The following ITGA8 variants were observed in gnomAD, a reference collection of about 807,000 sequenced individuals.
ITGA8 encodes the protein integrin alpha-8.
ITGA8 carries 91 observed loss-of-function variants against 142.3 expected under a neutral mutation model. That is an observed-to-expected ratio of 0.64 (90% CI 0.54 to 0.76). ITGA8 has a LOEUF of 0.76. Ranked by LOEUF, ITGA8 falls within the 30% of genes least tolerant of loss-of-function variation. The pLI is 0.00. For missense variants in ITGA8, 1,406 were observed against 1,327.7 expected (o/e 1.06, Z -0.92); for synonymous variants, 505 against 485.2 (o/e 1.04, Z -0.54).
chr10:15,648,544 TAAC>T (rs1352503177), intron 11 of ITGA8, among the ~76,000 whole-genome samples: 2 of 151,016 alleles, frequency 1.3e-5, no homozygotes, highest in Non-Finnish European at 3.0e-5. Context: ...GATATATCAA[TAAC>T]AATAACATAA....
chr10:15,699,683 A>G (rs1835125319), intron 2 of ITGA8, among the ~76,000 whole-genome samples: 1 of 152,188 alleles, frequency 6.6e-6, no homozygotes, highest in South Asian at 2.1e-4. Context: ...TCTCTCCAGC[A>G]CCCAAACTAG....
In ITGA8 at chr10:15,585,999, G is replaced by T. The variant is rs529182134; in HGVS notation, c.2372+585C>A. ...GTCTATTTTATCTGGCTTCTTATCA[G>T]CTGGTTTTTATAGTTTGATTACTGC... On this transcript the variant is annotated intron_variant, in intron 23 of 29. Transcript: ENST00000378076. 4.7e-5 allele frequency among the ~76,000 whole-genome samples: 7 copies of T among 150,468 alleles called. No individual in the cohort carries two copies. The East Asian group carries it at 1.4e-3, about 29-fold the overall frequency.
intron 9 of ITGA8, 66 bp from the exon 10 acceptor site, chr10:15,659,121 A>G (rs12761041): frequency 7.3e-6 from 8 of 1,096,130 alleles, no homozygotes; most frequent in Admixed American, 5.2e-5. Context: ...TTTAAAAACT[A>G]CAACTTGAAT....
At position 15,608,412 on chromosome 10, in the gene ITGA8, CA is replaced by C. The variant is rs1335265403; in HGVS notation, c.1554-123del. The C allele has an allele frequency of 4.3e-4, 253 of 591,296 alleles. 1 individual carries two copies. The African/African-American group carries it at 4.5e-3, about 11-fold the overall frequency. 36.6% of individuals were successfully genotyped at this position (591,296 alleles called of 1,614,324 possible). A position where few individuals can be genotyped will look rare whatever the true frequency, so the allele number is the denominator to read the frequency against. ...CTATATATTTCTAATTACACACACA[CA>C]CACACACACACCCACACACACACCC... On this transcript the variant is annotated intron_variant, in intron 15 of 29. Transcript: ENST00000378076.
chr10:15,661,773 G>C (rs1195012483), intron 8 of ITGA8, among the ~76,000 whole-genome samples: 1 of 152,188 alleles, frequency 6.6e-6, no homozygotes, highest in African/African-American at 2.4e-5. Context: ...TTCATCTACA[G>C]CAGTAGGAGG....
intron 27 of ITGA8, among the ~76,000 whole-genome samples, chr10:15,541,390 A>G (rs1376232471): frequency 3.1e-4 from 47 of 152,238 alleles, no homozygotes; most frequent in African/African-American, 4.8e-5. Flanking sequence ...TGGTATTTCC[A>G]GAGACCCCAG....
intron 27 of ITGA8, among the ~76,000 whole-genome samples, chr10:15,543,453 C>T (rs2131553428): frequency 6.6e-6 from 1 of 152,334 alleles, no homozygotes; most frequent in Admixed American, 6.5e-5. Flanking sequence ...GCATCTCCAG[C>T]CCCACTCAAG....
At chr10:15,689,251 G>A (rs1834888262) in intron 2 of ITGA8, among the ~76,000 whole-genome samples, 1 of 152,188 alleles carries the variant, frequency 6.6e-6, no homozygotes, top group African/African-American at 2.4e-5. Context: ...CCTAACACTT[G>A]CTCCCTTACA....
intron 26 of ITGA8, among the ~76,000 whole-genome samples, chr10:15,556,018 C>CTGTTTTTTTTTT (rs1564349894): frequency 1.9e-5 from 1 of 53,634 alleles, no homozygotes; most frequent in African/African-American, 8.6e-5. Flanking sequence ...CTCTCTCTCT[C>CTGTTTTTTTTTT]TTTTTTTTTT....
At chr10:15,523,918 C>T (rs778423953) in intron 28 of ITGA8, among the ~76,000 whole-genome samples, 9 of 152,156 alleles carry the variant, frequency 5.9e-5, no homozygotes, top group East Asian at 1.9e-4. Flanking sequence ...AGCAACAGAG[C>T]GAGCCTCTGT....
Position 15,678,798 on chromosome 10 carries a change from A to C in ITGA8, c.569-15T>G, listed in dbSNP as rs1564405414. 6.5e-7 allele frequency: 1 copy of C among 1,548,432 alleles called. No homozygotes were observed. Among genetic ancestry groups the C allele is most frequent in the South Asian group, 1.1e-5 (1 of 88,384 alleles). ...ATCAGCATTGCCTAGAACGATCAAAATACATAAATGTTATAACGTTATCAT... is the reference window on the plus strand; with the variant it reads ...ATCAGCATTGCCTAGAACGATCAAACTACATAAATGTTATAACGTTATCAT... On this transcript the variant is annotated splice_polypyrimidine_tract_variant and intron_variant, in intron 4 of 29. Coordinates refer to ENST00000378076, the MANE Select transcript of ITGA8 (RefSeq NM_003638.3).
intron 27 of ITGA8, among the ~76,000 whole-genome samples, chr10:15,537,685 C>G (rs995725115): frequency 6.6e-6 from 1 of 152,156 alleles, no homozygotes; most frequent in African/African-American, 2.4e-5. Context: ...TGATAGGAGT[C>G]CTGCCTCATT....
rs9333157 is a variant in ITGA8, at chr10:15,608,187, C to G, written c.1609+48G>C. On this transcript the variant is annotated intron_variant, in intron 16 of 29. Transcript: ENST00000378076. ...TCTGTGCAGAGAAATGGTTACTGTT[C>G]AACTTTCTTAGTATACCATAAGAAT... is the stretch of plus-strand genomic sequence containing the variant. 3.7e-3 allele frequency: 4,861 copies of G among 1,323,370 alleles called. 135 individuals carry two copies. The African/African-American group carries it at 0.062, about 17-fold the overall frequency. 82.0% of individuals were successfully genotyped at this position (1,323,370 alleles called of 1,614,324 possible). A position where few individuals can be genotyped will look rare whatever the true frequency, so the allele number is the denominator to read the frequency against.
intron 25 of ITGA8, among the ~76,000 whole-genome samples, chr10:15,565,573 ATTTTTTTTTTTTTTT>A (rs71374633): frequency 8.6e-4 from 30 of 34,792 alleles, no homozygotes; most frequent in South Asian, 6.9e-3. Context: ...TCATGTCCTG[ATTTTTTTTTTTTTTT>A]TTTTTTTTTT....
chr10:15,599,997 C>A (rs1833076214), intron 20 of ITGA8, among the ~76,000 whole-genome samples: 1 of 152,202 alleles, frequency 6.6e-6, no homozygotes, highest in African/African-American at 2.4e-5. Flanking sequence ...CTTGCTTCGG[C>A]TACATAATAG....
intron 4 of ITGA8, among the ~76,000 whole-genome samples, chr10:15,682,586 G>A (rs183267514): frequency 2.0e-5 from 3 of 152,198 alleles, no homozygotes; most frequent in Admixed American, 1.3e-4. Context: ...CAGGTGTGGC[G>A]GCGCACGACT....
intron 13 of ITGA8, 76 bp from the exon 14 acceptor site, chr10:15,616,635 C>T: frequency 1.7e-6 from 2 of 1,180,756 alleles, no homozygotes; most frequent in Non-Finnish European, 1.3e-6. Context: ...TCGTAAGTAG[C>T]ACATAGAATA....
intron 13 of ITGA8, among the ~76,000 whole-genome samples, chr10:15,636,882 C>T (rs1370313438): frequency 6.6e-6 from 1 of 152,184 alleles, no homozygotes; most frequent in Non-Finnish European, 1.5e-5. Flanking sequence ...CGGTGGCTCA[C>T]ACCTGTAATA....
Position 15,665,862 on chromosome 10 carries a change from T to C in ITGA8, c.848-4940A>G, listed in dbSNP as rs576779204. Among the ~76,000 whole-genome samples, 524 of 152,324 alleles carry C rather than the reference T, an allele frequency of 3.4e-3. 6 individuals are homozygous for C. The highest frequency in any genetic ancestry group is 0.012 in the African/African-American group (503 of 41,574). On this transcript the variant is annotated intron_variant, in intron 8 of 29. Coordinates refer to ENST00000378076, the MANE Select transcript of ITGA8 (RefSeq NM_003638.3). ...CATTATTTCTGAGGGCTCTGTTCTG[T>C]TCCATTGATCTATATCTCTGTTTTG... is the stretch of plus-strand genomic sequence containing the variant.
Sources: gnomAD v4.1 joint callset for allele counts (sites outside exome capture counted in the v4.1 genomes callset) on GRCh38, gnomAD v4.1.1 for gene constraint, MANE v1.5 for transcripts, NCBI Gene and HGNC (gene_info 2026-07-23, HGNC 2026-07-21) for gene names.